The following GSG1L variants were observed in gnomAD, a reference collection of about 807,000 sequenced individuals.
GSG1L encodes germ cell-specific gene 1-like protein.
A neutral mutation model predicts 42.1 loss-of-function variants in GSG1L; 24 were observed. The ratio of observed to expected loss-of-function variants is 0.57; its 90% CI spans 0.41 to 0.80. The LOEUF is 0.80. Ranked by LOEUF, GSG1L falls within the 30% of genes least tolerant of loss-of-function variation. GSG1L has a pLI of 0.00. For missense variants in GSG1L, 445 were observed against 472.2 expected, an observed-to-expected ratio of 0.94 and a Z score of 0.53; for synonymous variants, 215 against 203.5, an observed-to-expected ratio of 1.06 and a Z score of -0.48.
intron 2 of GSG1L, among the ~76,000 whole-genome samples, chr16:27,906,796 A>C (rs1209315211): frequency 6.6e-6 from 1 of 152,054 alleles, no homozygotes; most frequent in African/African-American, 2.4e-5. Flanking sequence ...CCTTTGCCTC[A>C]GTTTACCCGT....
intron 1 of GSG1L, among the ~76,000 whole-genome samples, chr16:28,016,134 T>G (rs2085777343): frequency 6.6e-6 from 1 of 152,112 alleles, no homozygotes; most frequent in South Asian, 2.1e-4. Flanking sequence ...GGATTATAGG[T>G]GCATGCCACC....
chr16:28,001,769 T>C (rs1480966167), intron 1 of GSG1L, among the ~76,000 whole-genome samples: 3 of 152,194 alleles, frequency 2.0e-5, no homozygotes, highest in Non-Finnish European at 4.4e-5. Flanking sequence ...AGAGTATGTA[T>C]CAGCCCAGAA....
intron 1 of GSG1L, among the ~76,000 whole-genome samples, chr16:28,003,966 G>A (rs2085608001): frequency 6.6e-6 from 1 of 152,248 alleles, no homozygotes; most frequent in Non-Finnish European, 1.5e-5. Flanking sequence ...AGAAAAAGAA[G>A]AGTCAGTGTG....
At chr16:28,028,999 C>T (rs762926966) in intron 1 of GSG1L, among the ~76,000 whole-genome samples, 2 of 152,168 alleles carry the variant, frequency 1.3e-5, no homozygotes, top group African/African-American at 2.4e-5. Context: ...ACCAGGCGAC[C>T]CACATCAGCT....
At chr16:27,987,597 C>T (rs2085399342) in intron 1 of GSG1L, among the ~76,000 whole-genome samples, 1 of 152,174 alleles carries the variant, frequency 6.6e-6, no homozygotes, top group Non-Finnish European at 1.5e-5. Context: ...CTTTCATAGC[C>T]ATCCCTGGGT....
At chr16:27,924,944 GGATCACAC>G (rs1325414684) in intron 2 of GSG1L, among the ~76,000 whole-genome samples, 1 of 152,062 alleles carries the variant, frequency 6.6e-6, no homozygotes, top group Non-Finnish European at 1.5e-5. Context: ...CAGCAACACC[GGATCACAC>G]GCCTACTTCT....
At chr16:27,944,053 A>G (rs1416840739) in intron 2 of GSG1L, among the ~76,000 whole-genome samples, 1 of 152,180 alleles carries the variant, frequency 6.6e-6, no homozygotes, top group Non-Finnish European at 1.5e-5. Flanking sequence ...GAAGCAAGGC[A>G]GTGATGACCC....
chr16:27,880,432 T>G (rs1356292518), intron 3 of GSG1L, among the ~76,000 whole-genome samples: 2 of 152,346 alleles, frequency 1.3e-5, no homozygotes, highest in East Asian at 3.9e-4. Context: ...TGGTCACTCC[T>G]GCAGTGTGAG....
rs2086229287 is a variant in GSG1L, at chr16:28,052,257, A to C, written c.349+10819T>G. Among the ~76,000 whole-genome samples the C allele has an allele frequency of 2.0e-5, 3 of 152,130 alleles. No individual in the cohort carries two copies. In the South Asian group the frequency reaches 6.2e-4, roughly 32 times the overall value. On this transcript the variant is annotated intron_variant, in intron 1 of 6. Coordinates refer to ENST00000447459, the MANE Select transcript of GSG1L (RefSeq NM_001109763.2). ...TGCCACCAATGTTCAACCTGTTATCAGTGTTCCCTGGTTTCTACTTTCTTT... is the reference window on the plus strand; with the variant it reads ...TGCCACCAATGTTCAACCTGTTATCCGTGTTCCCTGGTTTCTACTTTCTTT...
At chr16:28,020,770 T>C (rs1257460573) in intron 1 of GSG1L, among the ~76,000 whole-genome samples, 2 of 152,172 alleles carry the variant, frequency 1.3e-5, no homozygotes, top group Non-Finnish European at 2.9e-5. Context: ...CCAGCTGCCA[T>C]GTTGTGAGGA....
In GSG1L at chr16:28,059,141, A is replaced by C. The variant is rs1361008437; in HGVS notation, c.349+3935T>G. 1.3e-5 allele frequency among the ~76,000 whole-genome samples: 2 copies of C among 152,126 alleles called. No individual in the cohort carries two copies. Among genetic ancestry groups the C allele is most frequent in the Non-Finnish European group, 2.9e-5 (2 of 68,012 alleles). On this transcript the variant is annotated intron_variant, in intron 1 of 6. Coordinates refer to ENST00000447459, the MANE Select transcript of GSG1L (RefSeq NM_001109763.2). This position sits in a 1 kb window ranked among gnomAD's most constrained non-coding sequence, Gnocchi z 4.4. ...AATCCTTGCATCTCCGGCGGGTGCT[A>C]GCTGCTCTGATCCCCACCTACACAG...
intron 4 of GSG1L, among the ~76,000 whole-genome samples, chr16:27,832,029 C>T (rs1181846182): frequency 6.6e-6 from 1 of 152,202 alleles, no homozygotes; most frequent in African/African-American, 2.4e-5. Context: ...TTTCTGTCTA[C>T]CATCTCTAAG....
At chr16:27,830,446 A>C (rs944592054) in intron 4 of GSG1L, among the ~76,000 whole-genome samples, 1 of 152,050 alleles carries the variant, frequency 6.6e-6, no homozygotes, top group Non-Finnish European at 1.5e-5. Context: ...GAAGGAAAGC[A>C]AGGAAAAAAT....
At chr16:28,010,290 T>C (rs17515974) in intron 1 of GSG1L, among the ~76,000 whole-genome samples, 7,542 of 152,228 alleles carry the variant, frequency 0.05, 257 homozygotes, top group Non-Finnish European at 0.077. Flanking sequence ...ATCTTGACAC[T>C]ACCCCATTCA....
rs561801396 is a variant in GSG1L at position 27,827,933 on chromosome 16, C to G, written c.830+856G>C. Among the ~76,000 whole-genome samples the G allele has an allele frequency of 5.1e-3, 466 of 90,598 alleles. 6 individuals carry two copies. The highest frequency in any genetic ancestry group is 0.015 in the African/African-American group (444 of 28,952). 59.4% of individuals were successfully genotyped at this position (90,598 alleles called of 152,430 possible). On this transcript the variant is annotated intron_variant, in intron 5 of 6. Coordinates refer to ENST00000447459, the MANE Select transcript of GSG1L (RefSeq NM_001109763.2). Reference sequence around the variant, plus strand: ...ACCTACCCATCCACCACTCATCCATCCATCCATCCATCCATCTACCTACCC... The same window carrying G: ...ACCTACCCATCCACCACTCATCCATGCATCCATCCATCCATCTACCTACCC...
At chr16:27,965,313 C>T (rs372392542) in intron 1 of GSG1L, among the ~76,000 whole-genome samples, 2 of 151,640 alleles carry the variant, frequency 1.3e-5, no homozygotes, top group Non-Finnish European at 2.9e-5. Flanking sequence ...CTGCACCCAG[C>T]CAAAAATTTT....
chr16:27,827,587 G>A (rs916447020), intron 5 of GSG1L, among the ~76,000 whole-genome samples: 2 of 152,112 alleles, frequency 1.3e-5, no homozygotes, highest in Non-Finnish European at 2.9e-5. Context: ...GGATACAGCA[G>A]AAACAATGAA....
intron 3 of GSG1L, among the ~76,000 whole-genome samples, chr16:27,869,710 T>TGTCTCTGTCTCC: frequency 6.9e-6 from 1 of 144,836 alleles, no homozygotes; most frequent in African/African-American, 2.7e-5. Flanking sequence ...TCCATTTCTC[T>TGTCTCTGTCTCC]CTCCTTCTCT....
At chr16:27,823,866 T>G (rs2140960748) in intron 5 of GSG1L, 2 of 702,984 alleles carry the variant, frequency 2.8e-6, no homozygotes, top group African/African-American at 1.7e-5. Context: ...ACTTACCAGC[T>G]GTGTGACCTG....
Sources: gnomAD v4.1 joint callset for allele counts (sites outside exome capture counted in the v4.1 genomes callset) on GRCh38, gnomAD v4.1.1 for gene constraint, Gnocchi (gnomAD v3.1) non-coding constraint, MANE v1.5 for transcripts, NCBI Gene and HGNC (gene_info 2026-07-23, HGNC 2026-07-21) for gene names.